NDUFAF1: variants seen among roughly 807,000 people sequenced by gnomAD.
The protein encoded by NDUFAF1 is NADH:ubiquinone oxidoreductase complex assembly factor 1.
Under a neutral mutation model 28.7 loss-of-function variants are expected in NDUFAF1, and 18 were observed. That is an observed-to-expected ratio of 0.63 (90% CI 0.43 to 0.93). NDUFAF1 has a LOEUF of 0.93. Among genes scored for constraint, NDUFAF1 ranks in the 40% least tolerant of loss-of-function variants. NDUFAF1 has a pLI of 0.00. For missense variants in NDUFAF1, 404 were observed against 398.3 expected (o/e 1.01, Z -0.12); for synonymous variants, 113 against 139.7 (o/e 0.81, Z 1.35).
At chr15:41,391,586 A>G (rs2050316827) in intron 3 of NDUFAF1, among the ~76,000 whole-genome samples, 1 of 150,520 alleles carries the variant, frequency 6.6e-6, no homozygotes, top group African/African-American at 2.4e-5. Flanking sequence ...CAGCCTGGGC[A>G]GTAAGAGTGA....
rs551235403 is a variant in NDUFAF1, at chr15:41,393,718, C to T, written c.759+1141G>A. On this transcript the variant is annotated intron_variant, in intron 3 of 4. Transcript: ENST00000260361. ...GCCTCAGCCTTCTGAGTAGCTGGGACGACGCCACCACACCCAACTAATTTT... is the reference window on the plus strand; with the variant it reads ...GCCTCAGCCTTCTGAGTAGCTGGGATGACGCCACCACACCCAACTAATTTT... 2.0e-5 allele frequency among the ~76,000 whole-genome samples: 3 copies of T among 151,438 alleles called. No homozygotes were observed. The East Asian group carries it at 5.9e-4, about 30-fold the overall frequency.
chr15:41,390,321 T>C (rs926367850), intron 3 of NDUFAF1, among the ~76,000 whole-genome samples: 1 of 152,140 alleles, frequency 6.6e-6, no homozygotes, highest in Non-Finnish European at 1.5e-5. Flanking sequence ...AGAAATATAT[T>C]TGAAGAGAAA....
At chr15:41,394,254 G>C (rs1438155429) in intron 3 of NDUFAF1, 1 of 678,486 alleles carries the variant, frequency 1.5e-6, no homozygotes. Flanking sequence ...GGCTGGTGTC[G>C]AACTCCCAAC....
rs772073833 is a variant in NDUFAF1, at chr15:41,395,010, G to A, written c.608C>T (p.Ser203Phe). 1.9e-6 allele frequency: 3 copies of A among 1,614,052 alleles called. No homozygotes were observed. Among genetic ancestry groups the A allele is most frequent in the Non-Finnish European group, 2.5e-6 (3 of 1,180,010 alleles). The change falls in exon 3 of 5, where the codon TCC (serine) becomes TTC (phenylalanine). Residue 203 changes from serine to phenylalanine, a missense_variant. By Grantham distance (155) the Ser-to-Phe change is radical (BLOSUM62 -2). Transcript: ENST00000260361. ...ACGGAGATACAGAGTATTGAACTGG[G>A]ACCAATCGTAAGACATCTTCCTCTC... ...AFERKMSYDW[S>F]QFNTLYLRVR...
chr15:41,390,022 A>C (rs1269882608), intron 3 of NDUFAF1, among the ~76,000 whole-genome samples: 2 of 152,012 alleles, frequency 1.3e-5, no homozygotes, highest in Non-Finnish European at 2.9e-5. Context: ...TGCATGCAGT[A>C]GGGTGATCTC....
chr15:41,397,152 G>T lies in NDUFAF1; in HGVS notation c.-81-12C>A. 1.0e-6 allele frequency: 1 copy of T among 997,916 alleles called. No individual in the cohort carries two copies. The highest frequency in any genetic ancestry group is 1.5e-6 in the Non-Finnish European group (1 of 655,094). 61.8% of individuals were successfully genotyped at this position (997,916 alleles called of 1,614,324 possible). A position where few individuals can be genotyped will look rare whatever the true frequency, so the allele number is the denominator to read the frequency against. On this transcript the variant is annotated splice_polypyrimidine_tract_variant and intron_variant, in intron 1 of 4. Transcript: ENST00000260361. ...TAGCCCAATTCTACCTATAACAGAA[G>T]AGACATTGAAGAATTATCAGCATAG...
In NDUFAF1 at chr15:41,402,267, C is replaced by T. The variant is rs190265352; in HGVS notation, c.-205G>A. The T allele has an allele frequency of 6.6e-6, 3 of 454,122 alleles. No individual in the cohort carries two copies. Among genetic ancestry groups the T allele is most frequent in the Non-Finnish European group, 8.8e-6 (2 of 226,786 alleles). 28.1% of individuals were successfully genotyped at this position (454,122 alleles called of 1,614,324 possible). A position where few individuals can be genotyped will look rare whatever the true frequency, so the allele number is the denominator to read the frequency against. On this transcript the variant is annotated 5_prime_UTR_variant, in exon 1 of 5. Coordinates refer to ENST00000260361, the MANE Select transcript of NDUFAF1 (RefSeq NM_016013.4). ...GTTCCAAGGCTAATTTACCCGAGGT[C>T]ACACAGGTAGTGAGTGGCAAAATTC...
chr15:41,388,417 G>C, intron 4 of NDUFAF1, 31 bp downstream of exon 4: 3 of 1,514,448 alleles, frequency 2.0e-6, no homozygotes, highest in Non-Finnish European at 2.8e-6. Flanking sequence ...AAATGATACA[G>C]TTCTGAGTGA....
At chr15:41,391,627 ATT>A (rs908749596) in intron 3 of NDUFAF1, among the ~76,000 whole-genome samples, 5 of 151,708 alleles carry the variant, frequency 3.3e-5, no homozygotes, top group Admixed American at 2.6e-4. Context: ...AAAAAAAAGA[ATT>A]TATATAATTT....
intron 1 of NDUFAF1, among the ~76,000 whole-genome samples, chr15:41,399,832 G>A (rs1469126208): frequency 7.0e-6 from 1 of 141,996 alleles, no homozygotes; most frequent in East Asian, 2.0e-4. Flanking sequence ...CTCCAGCCTG[G>A]GCGACAGAGC....
At chr15:41,396,188 CT>C (rs2050384360) in intron 2 of NDUFAF1, among the ~76,000 whole-genome samples, 1 of 152,016 alleles carries the variant, frequency 6.6e-6, no homozygotes, top group African/African-American at 2.4e-5. Context: ...ATGAAAATCT[CT>C]CCAAAAATCT....
At chr15:41,394,289 C>G in intron 3 of NDUFAF1, 5 of 1,139,654 alleles carry the variant, frequency 4.4e-6, no homozygotes, top group Non-Finnish European at 4.7e-6. Flanking sequence ...CCGCCTTGGC[C>G]TCCCAAAGTG....
intron 1 of NDUFAF1, among the ~76,000 whole-genome samples, chr15:41,399,225 C>A (rs905526389): frequency 1.3e-5 from 2 of 151,846 alleles, no homozygotes; most frequent in African/African-American, 2.4e-5. Context: ...CATGGTGAAA[C>A]CCCTACAGAA....
At chr15:41,394,129 A>G in intron 3 of NDUFAF1, 1 of 404,548 alleles carries the variant, frequency 2.5e-6, no homozygotes. Context: ...CCTGGGTTCA[A>G]GCAATTATCC....
At chr15:41,398,988 C>T (rs778954071) in intron 1 of NDUFAF1, among the ~76,000 whole-genome samples, 1 of 150,734 alleles carries the variant, frequency 6.6e-6, no homozygotes, top group Non-Finnish European at 1.5e-5. Flanking sequence ...AATTGTAGCC[C>T]GCCACAGTGG....
At chr15:41,401,068 G>A (rs1479570156) in intron 1 of NDUFAF1, among the ~76,000 whole-genome samples, 1 of 150,402 alleles carries the variant, frequency 6.6e-6, no homozygotes, top group African/African-American at 2.5e-5. Context: ...CGATTCTCTT[G>A]TCTCAGCCTC....
intron 2 of NDUFAF1, among the ~76,000 whole-genome samples, 170 bp from the exon 3 acceptor site, chr15:41,395,214 CATAGTT>C (rs2050369239): frequency 6.6e-6 from 1 of 152,134 alleles, no homozygotes; most frequent in Non-Finnish European, 1.5e-5. Context: ...AAAATACTGA[CATAGTT>C]ATATGTTTCT....
chr15:41,398,208 C>T (rs1370530364), intron 1 of NDUFAF1, among the ~76,000 whole-genome samples: 2 of 150,626 alleles, frequency 1.3e-5, no homozygotes, highest in Non-Finnish European at 1.5e-5. Context: ...GAGACTGGGT[C>T]AGGCCAGGTG....
Position 41,399,869 on chromosome 15 carries a change from A to G in NDUFAF1, c.-82+2275T>C, listed in dbSNP as rs1423590512. Reference sequence around the variant, plus strand: ...AGACTCCTTCTCAAAAAAAAAAAAAAAAAAAAAAAAAATACAAAAATTAGC... The same window carrying G: ...AGACTCCTTCTCAAAAAAAAAAAAAGAAAAAAAAAAAATACAAAAATTAGC... On this transcript the variant is annotated intron_variant, in intron 1 of 4. Transcript: ENST00000260361. Among the ~76,000 whole-genome samples, 37 of 148,260 alleles carry G rather than the reference A, an allele frequency of 2.5e-4. 1 individual carries two copies. Among genetic ancestry groups the G allele is most frequent in the Admixed American group, 1.6e-3 (24 of 14,780 alleles).
Sources: allele counts gnomAD v4.1 joint callset (sites outside exome capture counted in the v4.1 genomes callset), GRCh38; gene constraint gnomAD v4.1.1; transcripts MANE v1.5; gene names NCBI Gene and HGNC (gene_info 2026-07-23, HGNC 2026-07-21).